The following IPPK variants were observed in gnomAD, a reference collection of about 807,000 sequenced individuals.
IPPK encodes IPK1 homolog.
IPPK carries 22 observed loss-of-function variants against 64.6 expected under a neutral mutation model. The observed-to-expected ratio is 0.34, with a 90% CI of 0.24 to 0.49. The LOEUF (loss-of-function observed/expected upper bound fraction) is 0.49, where lower values mean the gene tolerates loss of function less well. Ranked by LOEUF, IPPK falls within the 20% of genes least tolerant of loss-of-function variation. The pLI is 0.99. For missense variants in IPPK, 532 were observed against 630.7 expected, an observed-to-expected ratio of 0.84 and a Z score of 1.68; for synonymous variants, 262 against 247.2, an observed-to-expected ratio of 1.06 and a Z score of -0.56.
chr9:92,660,099 A>C (rs887438213), intron 1 of IPPK, among the ~76,000 whole-genome samples: 1 of 152,172 alleles, frequency 6.6e-6, no homozygotes, highest in Non-Finnish European at 1.5e-5. Flanking sequence ...GATCGACAGA[A>C]GTCCTAACTC....
intron 9 of IPPK, among the ~76,000 whole-genome samples, chr9:92,636,843 G>C (rs1851952060): frequency 6.6e-6 from 1 of 152,132 alleles, no homozygotes; most frequent in Admixed American, 6.6e-5. Context: ...GAGCCCCGGG[G>C]TGCTGTGGCG....
Position 92,614,680 on chromosome 9 carries a change from ATAT to A in IPPK, c.*1149_*1151del, listed in dbSNP as rs1196059424. The A allele has an allele frequency of 6.6e-6, 1 of 152,540 alleles. No individual in the cohort carries two copies. Among genetic ancestry groups the A allele is most frequent in the Non-Finnish European group, 1.5e-5 (1 of 67,970 alleles). 9.4% of individuals were successfully genotyped at this position (152,540 alleles called of 1,614,324 possible). ...TTCATATAATTCCATGGTTTCACTAATATTATATGTTACAATAAGCCTCCATTA... is the reference window on the plus strand; with the variant it reads ...TTCATATAATTCCATGGTTTCACTAATATATGTTACAATAAGCCTCCATTA... On this transcript the variant is annotated 3_prime_UTR_variant, in exon 13 of 13. Coordinates refer to ENST00000287996, the MANE Select transcript of IPPK (RefSeq NM_022755.6).
chr9:92,663,400 C>T (rs1330294234), intron 1 of IPPK, among the ~76,000 whole-genome samples: 2 of 152,202 alleles, frequency 1.3e-5, no homozygotes, highest in Non-Finnish European at 2.9e-5. Flanking sequence ...CATATGGCAA[C>T]AACATCACCT....
intron 1 of IPPK, among the ~76,000 whole-genome samples, chr9:92,667,268 G>A (rs187666240): frequency 1.3e-5 from 2 of 152,332 alleles, no homozygotes; most frequent in Non-Finnish European, 2.9e-5. Context: ...GCTGGAAGGA[G>A]GCTGGGCGCA....
intron 7 of IPPK, among the ~76,000 whole-genome samples, chr9:92,642,402 A>T (rs541088033): frequency 6.6e-6 from 1 of 152,370 alleles, no homozygotes; most frequent in African/African-American, 2.4e-5. Context: ...TCCACAGAGG[A>T]GGGAGAGATC....
intron 1 of IPPK, among the ~76,000 whole-genome samples, chr9:92,661,822 C>T (rs1321298696): frequency 6.6e-6 from 1 of 152,282 alleles, no homozygotes. Flanking sequence ...CCCATGCCAA[C>T]TGCCCCATGT....
rs866580662 is a variant in IPPK at position 92,619,824 on chromosome 9, G to A, written c.1171-259C>T. The stretch of plus-strand genomic sequence containing the variant: ...CTCACGGCAAGCAGTGTGGGACCCC[G>A]ACTCCAGACCCTGAGACGGATGATC... On this transcript the variant is annotated intron_variant, in intron 11 of 12. Coordinates refer to ENST00000287996, the MANE Select transcript of IPPK (RefSeq NM_022755.6). 5.4e-5 allele frequency: 28 copies of A among 518,788 alleles called. 1 individual carries two copies. The highest frequency in any genetic ancestry group is 3.4e-4 in the African/African-American group (18 of 52,388). 32.1% of individuals were successfully genotyped at this position (518,788 alleles called of 1,614,324 possible). A position where few individuals can be genotyped will look rare whatever the true frequency, so the allele number is the denominator to read the frequency against.
At chr9:92,654,435 C>A (rs577018956) in intron 3 of IPPK, among the ~76,000 whole-genome samples, 1 of 152,210 alleles carries the variant, frequency 6.6e-6, no homozygotes, top group Non-Finnish European at 1.5e-5. Context: ...GCAGGATGAT[C>A]ACTTGAGTCT....
At chr9:92,666,830 T>C (rs1010150075) in intron 1 of IPPK, among the ~76,000 whole-genome samples, 3 of 151,120 alleles carry the variant, frequency 2.0e-5, no homozygotes, top group African/African-American at 7.3e-5. Flanking sequence ...CTGCCCACCC[T>C]GGGCACAACC....
intron 4 of IPPK, among the ~76,000 whole-genome samples, chr9:92,651,635 C>G (rs1034283505): frequency 1.3e-5 from 2 of 152,212 alleles, no homozygotes; most frequent in Non-Finnish European, 2.9e-5. Context: ...CTCTGGGAAC[C>G]CTTCCCGTTC....
At chr9:92,639,391 G>A (rs1480517907) in intron 8 of IPPK, among the ~76,000 whole-genome samples, 2 of 152,204 alleles carry the variant, frequency 1.3e-5, no homozygotes, top group African/African-American at 2.4e-5. Flanking sequence ...CTGTCTTGCT[G>A]GCTTTCAATA....
chr9:92,622,639 T>C (rs774804580), intron 11 of IPPK, among the ~76,000 whole-genome samples: 54 of 152,174 alleles, frequency 3.5e-4, no homozygotes, highest in Admixed American at 5.2e-4. Flanking sequence ...TAAATGTCCA[T>C]GTTGGAAGAC....
chr9:92,629,336 T>G lies in IPPK; in HGVS notation c.1170+5050A>C, dbSNP rs1009658753. On this transcript the variant is annotated intron_variant, in intron 11 of 12. Coordinates refer to ENST00000287996, the MANE Select transcript of IPPK (RefSeq NM_022755.6). Reference sequence around the variant, plus strand: ...AAAAATGTTTGTGCATCTAAGATATTACCAAGAAAGTAAAAAGGCAACCAA... The same window carrying G: ...AAAAATGTTTGTGCATCTAAGATATGACCAAGAAAGTAAAAAGGCAACCAA... Among the ~76,000 whole-genome samples, 4 of 152,186 alleles carry G rather than the reference T, an allele frequency of 2.6e-5. No individual in the cohort carries two copies. The East Asian group carries it at 7.7e-4, about 29-fold the overall frequency.
chr9:92,667,388 C>T (rs1852622004), intron 1 of IPPK, among the ~76,000 whole-genome samples: 1 of 152,190 alleles, frequency 6.6e-6, no homozygotes, highest in Admixed American at 6.5e-5. Flanking sequence ...AAGCTGCCTT[C>T]TGGGAATTGC....
chr9:92,651,055 G>T (rs534565997), intron 4 of IPPK, among the ~76,000 whole-genome samples: 3 of 152,032 alleles, frequency 2.0e-5, no homozygotes, highest in Non-Finnish European at 4.4e-5. Context: ...CCCTGGAGCC[G>T]GGCTCAGACT....
intron 2 of IPPK, 36 bp from the exon 3 acceptor site, chr9:92,656,587 G>C (rs951021978): frequency 7.2e-7 from 1 of 1,380,790 alleles, no homozygotes; most frequent in African/African-American, 1.4e-5. Context: ...CTTCGTGATG[G>C]GACCTCCCAA....
chr9:92,649,724 C>CAA, intron 4 of IPPK, 150 bp from the exon 5 acceptor site: 5 of 956,976 alleles, frequency 5.2e-6, no homozygotes, highest in Non-Finnish European at 7.7e-6. Context: ...TTGTGGGACA[C>CAA]ACACAGTAAC....
In IPPK at chr9:92,635,455, T is replaced by C; in HGVS notation, c.917-147A>G. ...CAAGGACTGCACCCTGGACTGGCAC[T>C]AAGGACAGACGAGATGACGCTCCCG... On this transcript the variant is annotated intron_variant, in intron 9 of 12. Coordinates refer to ENST00000287996, the MANE Select transcript of IPPK (RefSeq NM_022755.6). This position sits in a 1 kb window ranked among gnomAD's most constrained non-coding sequence, Gnocchi z 4.4. The C allele has an allele frequency of 1.2e-6, 1 of 801,366 alleles. No individual in the cohort carries two copies. The highest frequency in any genetic ancestry group is 2.8e-5 in the East Asian group (1 of 36,064). The allele number at this position is 801,366 out of a possible 1,614,324, so 49.6% of individuals were successfully genotyped here. A position where few individuals can be genotyped will look rare whatever the true frequency, so the allele number is the denominator to read the frequency against.
intron 1 of IPPK, among the ~76,000 whole-genome samples, chr9:92,663,686 ATTAAAGC>A (rs1331822724): frequency 1.3e-5 from 2 of 152,238 alleles, no homozygotes; most frequent in Non-Finnish European, 2.9e-5. Context: ...TATGGGTGGA[ATTAAAGC>A]TACTAACTAC....
Sources: gnomAD v4.1 joint callset for allele counts (sites outside exome capture counted in the v4.1 genomes callset) on GRCh38, gnomAD v4.1.1 for gene constraint, Gnocchi (gnomAD v3.1) non-coding constraint, MANE v1.5 for transcripts, NCBI Gene and HGNC (gene_info 2026-07-23, HGNC 2026-07-21) for gene names.